Variants in TYW1B observed in about 807,000 individuals in gnomAD.
The protein encoded by TYW1B is tRNA-yW synthesizing protein 1 homolog B.
TYW1B carries 73 observed loss-of-function variants against 86.9 expected under a neutral mutation model. The ratio of observed to expected loss-of-function variants is 0.84; its 90% CI spans 0.70 to 1.02. TYW1B has a LOEUF of 1.02. Ranked by LOEUF, TYW1B falls within the 50% of genes least tolerant of loss-of-function variation. The pLI is 0.00. For synonymous variants in TYW1B, 248 were observed against 292.8 expected (o/e 0.85, Z 1.56); for missense variants, 637 against 827.4 (o/e 0.77, Z 2.82).
chr7:72,591,679 A>T (rs1223178609), intron 13 of TYW1B, among the ~76,000 whole-genome samples: 2 of 152,222 alleles, frequency 1.3e-5, no homozygotes, highest in Non-Finnish European at 2.9e-5. Flanking sequence ...TGCTAAATGG[A>T]GTCCTACAGG....
At chr7:72,740,659 A>T (rs1787287944) in intron 8 of TYW1B, among the ~76,000 whole-genome samples, 1 of 152,052 alleles carries the variant, frequency 6.6e-6, no homozygotes, top group Non-Finnish European at 1.5e-5. Flanking sequence ...AAGCAATAAA[A>T]AACAAACCCT....
intron 11 of TYW1B, among the ~76,000 whole-genome samples, chr7:72,692,559 T>A (rs1554450536): frequency 6.6e-6 from 1 of 152,016 alleles, no homozygotes; most frequent in African/African-American, 2.4e-5. Context: ...AAGTGTACTA[T>A]GCTAGACATT....
At chr7:72,781,815 GT>G in intron 6 of TYW1B, among the ~76,000 whole-genome samples, 1 of 152,316 alleles carries the variant, frequency 6.6e-6, no homozygotes, top group East Asian at 1.9e-4. Flanking sequence ...CCAAGCTGCA[GT>G]GGTCTGACAT....
intron 7 of TYW1B, among the ~76,000 whole-genome samples, chr7:72,756,141 A>G (rs1763877778): frequency 2.0e-5 from 3 of 152,216 alleles, no homozygotes. Flanking sequence ...GTAATAAAGA[A>G]TGTAAAAAGT....
chr7:72,774,346 A>G (rs1453936058), intron 7 of TYW1B, among the ~76,000 whole-genome samples: 1 of 149,278 alleles, frequency 6.7e-6, no homozygotes, highest in African/African-American at 2.5e-5. Context: ...ATAAAAGCTC[A>G]TATTATTTCA....
rs1787051373 is a variant in TYW1B, at chr7:72,728,760, T to C, written c.1192+62A>G. 6.7e-6 allele frequency: 10 copies of C among 1,498,130 alleles called. No individual in the cohort carries two copies. In the South Asian group the frequency reaches 9.0e-5, roughly 13 times the overall value. 92.8% of individuals were successfully genotyped at this position (1,498,130 alleles called of 1,614,324 possible). On this transcript the variant is annotated intron_variant, in intron 9 of 13. Transcript: ENST00000620995. ...AATCCTACCAAAGAGGCAATTCTTC[T>C]GCCAATCTGATTCAGACTATTAACA...
intron 11 of TYW1B, among the ~76,000 whole-genome samples, chr7:72,694,104 G>T (rs1814246652): frequency 6.6e-6 from 1 of 152,102 alleles, no homozygotes; most frequent in African/African-American, 2.4e-5. Context: ...GGGATAACAG[G>T]TGCATGCCAT....
At chr7:72,644,104 A>G (rs1812867855) in intron 11 of TYW1B, among the ~76,000 whole-genome samples, 1 of 152,244 alleles carries the variant, frequency 6.6e-6, no homozygotes, top group Admixed American at 6.5e-5. Flanking sequence ...AAATCAACGC[A>G]ATTCACCATA....
At chr7:72,757,825 C>T (rs1028615105) in intron 7 of TYW1B, among the ~76,000 whole-genome samples, 7 of 152,194 alleles carry the variant, frequency 4.6e-5, no homozygotes, top group Non-Finnish European at 8.8e-5. Context: ...GACATCAGCC[C>T]AGCAACTGCC....
At position 72,744,608 on chromosome 7, in the gene TYW1B, C is replaced by T; in HGVS notation, c.965-7G>A. 1.9e-6 allele frequency: 3 copies of T among 1,613,494 alleles called. No individual in the cohort carries two copies. Among genetic ancestry groups the T allele is most frequent in the Non-Finnish European group, 2.5e-6 (3 of 1,179,490 alleles). On this transcript the variant is annotated splice_polypyrimidine_tract_variant and splice_region_variant and intron_variant, in intron 7 of 13. Coordinates refer to ENST00000620995, the MANE Select transcript of TYW1B (RefSeq NM_001145440.3). ...CTCTCCCTCGGAGCATCGACTATGACAAGTAAACAAATCACAATTTGAATA... is the reference window on the plus strand; with the variant it reads ...CTCTCCCTCGGAGCATCGACTATGATAAGTAAACAAATCACAATTTGAATA...
chr7:72,731,149 A>G (rs1585937527), intron 8 of TYW1B, among the ~76,000 whole-genome samples: 1 of 146,584 alleles, frequency 6.8e-6, no homozygotes, highest in South Asian at 2.2e-4. Context: ...AAAAAAAAAG[A>G]CCACCAAGCA....
rs1363751400 is a variant in TYW1B, at chr7:72,722,796, G to A, written c.1192+6026C>T. ...CAACTGAACCAGACCCAGGACAGAC[G>A]GCAGGCGTTCTTTGTCATGGGGTGG... On this transcript the variant is annotated intron_variant, in intron 9 of 13. Transcript: ENST00000620995. 15 of 435,858 alleles carry A rather than the reference G, an allele frequency of 3.4e-5. 1 individual carries two copies. Among genetic ancestry groups the A allele is most frequent in the South Asian group, 1.1e-4 (4 of 35,330 alleles). The allele number at this position is 435,858 out of a possible 1,614,324, so 27.0% of individuals were successfully genotyped here. A position where few individuals can be genotyped will look rare whatever the true frequency, so the allele number is the denominator to read the frequency against.
intron 8 of TYW1B, among the ~76,000 whole-genome samples, chr7:72,743,261 G>A (rs542107286): frequency 6.6e-6 from 1 of 152,260 alleles, no homozygotes; most frequent in African/African-American, 2.4e-5. Flanking sequence ...GACGGCTGAA[G>A]GACAGAAGCA....
chr7:72,798,039 GCA>G (rs71991202), intron 6 of TYW1B, among the ~76,000 whole-genome samples: 1 of 142,624 alleles, frequency 7.0e-6, no homozygotes, highest in Admixed American at 7.1e-5. Context: ...ACACACACAC[GCA>G]CACACATATA....
chr7:72,588,661 G>A lies in TYW1B; in HGVS notation c.1786-12942C>T, dbSNP rs191464247. Among the ~76,000 whole-genome samples the A allele has an allele frequency of 6.5e-3, 985 of 152,284 alleles. 10 individuals are homozygous for A. Among genetic ancestry groups the A allele is most frequent in the African/African-American group, 0.019 (808 of 41,556 alleles). On this transcript the variant is annotated intron_variant, in intron 13 of 13. Coordinates refer to ENST00000620995, the MANE Select transcript of TYW1B (RefSeq NM_001145440.3). ...GAGATCAAGGAGACTGCTGTTGGCT[G>A]TGCTGGGACAGGGACTCTGTCTCCT...
intron 11 of TYW1B, among the ~76,000 whole-genome samples, chr7:72,654,501 C>T (rs1220147442): frequency 1.3e-5 from 2 of 152,196 alleles, no homozygotes; most frequent in African/African-American, 2.4e-5. Context: ...AAGGTGCTAT[C>T]CTGAATGGGA....
intron 9 of TYW1B, among the ~76,000 whole-genome samples, chr7:72,717,395 C>G (rs1162594388): frequency 1.3e-5 from 2 of 152,000 alleles, no homozygotes; most frequent in African/African-American, 4.8e-5. Context: ...TTATTTAACC[C>G]AAAACAACAG....
At chr7:72,804,866 T>C (rs1255841292) in intron 5 of TYW1B, among the ~76,000 whole-genome samples, 6 of 152,164 alleles carry the variant, frequency 3.9e-5, no homozygotes, top group Admixed American at 6.6e-5. Context: ...ATCTGGCCAG[T>C]GAGCCTGTTT....
chr7:72,806,946 C>T, intron 5 of TYW1B, 120 bp downstream of exon 5: 1 of 1,392,956 alleles, frequency 7.2e-7, no homozygotes, highest in Non-Finnish European at 9.7e-7. Context: ...AGCCACTGCA[C>T]TCAGCCAGAT....
Sources: allele counts gnomAD v4.1 joint callset (sites outside exome capture counted in the v4.1 genomes callset), GRCh38; gene constraint gnomAD v4.1.1; transcripts MANE v1.5; gene names NCBI Gene and HGNC (gene_info 2026-07-23, HGNC 2026-07-21).